The following NLRP14 variants were observed in gnomAD, a reference collection of about 807,000 sequenced individuals.
NLRP14 encodes NLR family pyrin domain containing 14.
In NLRP14, 105 loss-of-function variants were observed where a neutral mutation model predicts 94.7. The ratio of observed to expected loss-of-function variants is 1.11; its 90% CI spans 0.95 to 1.30. The LOEUF is 1.30. NLRP14 is among the 50% of genes most tolerant of loss of function. NLRP14 has a pLI of 0.00. For missense variants in NLRP14, 1,362 were observed against 1,254.1 expected (o/e 1.09, Z -1.30); for synonymous variants, 508 against 459.9 (o/e 1.10, Z -1.34).
the NLRP14 span, chr11:7,088,894 A>G: frequency 3.4e-6 from 2 of 580,340 alleles, no homozygotes; most frequent in Non-Finnish European, 6.2e-6. Context: ...AAGGAGACAC[A>G]AAACTGCCGA....
At chr11:7,088,990 G>C in the NLRP14 span, 9 of 1,091,466 alleles carry the variant, frequency 8.2e-6, no homozygotes, top group Admixed American at 1.3e-4. Context: ...CTCCGGCTGC[G>C]GTTCCGTGGA....
intron 4 of NLRP14, among the ~76,000 whole-genome samples, 166 bp downstream of exon 4, chr11:7,044,150 T>C (rs1852316080): frequency 6.6e-6 from 1 of 152,150 alleles, no homozygotes; most frequent in Non-Finnish European, 1.5e-5. Context: ...TATTGACCAA[T>C]CATGGCTACT....
intron 10 of NLRP14, among the ~76,000 whole-genome samples, chr11:7,069,956 A>T (rs1424918379): frequency 6.6e-6 from 1 of 151,996 alleles, no homozygotes; most frequent in Non-Finnish European, 1.5e-5. Context: ...ACTCACTACC[A>T]AGCTTCCAAT....
intron 6 of NLRP14, among the ~76,000 whole-genome samples, chr11:7,050,761 A>G (rs887739684): frequency 6.6e-6 from 1 of 152,248 alleles, no homozygotes; most frequent in South Asian, 2.1e-4. Flanking sequence ...AAGTTGTTGG[A>G]TAATTCTCAA....
At position 7,038,864 on chromosome 11, in the gene NLRP14, A is replaced by G. The variant is rs1361702531; in HGVS notation, c.278A>G (p.Glu93Gly). The change falls in exon 2 of 12, where the codon GAA (glutamate) becomes GGA (glycine). Residue 93 changes from glutamate to glycine, a missense_variant. Glu to Gly is a moderately conservative substitution (Grantham distance 98). Transcript: ENST00000299481. ...NLKDLCERAK[E>G]EINWSAQTIG... ...AAGGATCTGTGTGAGAGAGCGAAAG[A>G]AGAGATCAACTGTGAGTGATGCTAG... 2 of 1,613,472 alleles carry G rather than the reference A, an allele frequency of 1.2e-6. No individual in the cohort carries two copies. The highest frequency in any genetic ancestry group is 2.2e-5 in the South Asian group (2 of 90,890).
intron 8 of NLRP14, 128 bp from the exon 9 acceptor site, chr11:7,059,766 G>A: frequency 3.8e-6 from 3 of 783,884 alleles, no homozygotes; most frequent in Non-Finnish European, 6.6e-6. Context: ...CTGGCAGTGA[G>A]GGTGTTTCAT....
chr11:7,030,970 A>T (rs1196348973), intron 1 of NLRP14, among the ~76,000 whole-genome samples: 1 of 152,174 alleles, frequency 6.6e-6, no homozygotes, highest in Non-Finnish European at 1.5e-5. Flanking sequence ...GTGGGAGCAG[A>T]GCTCCCTTGG....
chr11:7,026,672 T>C (rs1490820991), intron 1 of NLRP14, among the ~76,000 whole-genome samples: 2 of 151,590 alleles, frequency 1.3e-5, no homozygotes, highest in Admixed American at 6.6e-5. Flanking sequence ...ACCCAAAGGA[T>C]TATAAATCAT....
chr11:7,046,616 A>G, intron 4 of NLRP14, 52 bp from the exon 5 acceptor site: 1 of 1,527,874 alleles, frequency 6.5e-7, no homozygotes, highest in South Asian at 1.1e-5. Flanking sequence ...AGAGTTGGCT[A>G]GGCTGAAATA....
At position 7,058,318 on chromosome 11, in the gene NLRP14, A is replaced by G. The variant is rs1316507035; in HGVS notation, c.2501A>G (p.Tyr834Cys). 1.2e-6 allele frequency: 2 copies of G among 1,612,692 alleles called. No homozygotes were observed. Among genetic ancestry groups the G allele is most frequent in the East Asian group, 2.2e-5 (1 of 44,838 alleles). ...GGTCTCACAGAGGCTGGCTGTGAGT[A>G]TCTTTCTTTGGCTCTCATCAGCAAT... ...SCGLTEAGCE[Y>C]LSLALISNKR... Residue 834 changes from tyrosine (Y) to cysteine (C), a missense_variant, in exon 8 of 12, where the codon TAT becomes TGT. Tyr to Cys is a radical substitution (Grantham distance 194). Transcript: ENST00000299481.
Position 7,043,012 on chromosome 11 carries a change from G to T in NLRP14, c.986G>T (p.Gly329Val), listed in dbSNP as rs760483005. 1.2e-6 allele frequency: 2 copies of T among 1,614,150 alleles called. No homozygotes were observed. The highest frequency in any genetic ancestry group is 2.7e-5 in the African/African-American group (2 of 75,034). ...AATCACCATTATGTAGAGCTACTAG[G>T]AATGTCTGAGGATGCAAGAGAGGAG... The part of the protein sequence containing the change: ...LKNHHYVELL[G>V]MSEDAREEYI... Residue 329 changes from glycine (G) to valine (V), a missense_variant, in exon 4 of 12, where the codon GGA becomes GTA. By Grantham distance (109) the Gly-to-Val change is moderately radical. Coordinates refer to ENST00000299481, the MANE Select transcript of NLRP14 (RefSeq NM_176822.4).
chr11:7,025,725 C>T (rs1051802056), intron 1 of NLRP14, among the ~76,000 whole-genome samples: 2 of 152,002 alleles, frequency 1.3e-5, no homozygotes, highest in Middle Eastern at 3.4e-3. Context: ...AATTTAAGAA[C>T]TAAAGAAAGA....
intron 3 of NLRP14, 130 bp from the exon 4 acceptor site, chr11:7,042,258 C>T (rs1170571021): frequency 2.9e-6 from 2 of 680,664 alleles, no homozygotes; most frequent in Non-Finnish European, 5.0e-6. Flanking sequence ...TCAAAACCAG[C>T]TCTGATTTCA....
At chr11:7,089,442 C>T in the NLRP14 span, 2 of 1,527,320 alleles carry the variant, frequency 1.3e-6, no homozygotes, top group East Asian at 2.5e-5. Flanking sequence ...CCCGAGGTTC[C>T]TGCGCGGAAC....
At chr11:7,057,352 G>A (rs1032042506) in intron 6 of NLRP14, among the ~76,000 whole-genome samples, 2 of 151,818 alleles carry the variant, frequency 1.3e-5, no homozygotes, top group Admixed American at 6.6e-5. Flanking sequence ...CATCCTTCAC[G>A]CCATATCTTC....
the NLRP14 span, among the ~76,000 whole-genome samples, chr11:7,078,167 G>A: frequency 3.3e-5 from 5 of 151,972 alleles, no homozygotes; most frequent in Non-Finnish European, 7.4e-5. Context: ...GGCTGGGTGC[G>A]GTGGCTCATG....
At chr11:7,059,792 G>T in intron 8 of NLRP14, 102 bp from the exon 9 acceptor site, 1 of 1,028,904 alleles carries the variant, frequency 9.7e-7, no homozygotes, top group Non-Finnish European at 1.5e-6. Flanking sequence ...ATGGAATGTT[G>T]GCAAATAGAT....
In NLRP14 at chr11:7,042,722, G is replaced by C. The variant is rs1433122428; in HGVS notation, c.696G>C (p.Leu232Phe). ...NQLKERSFAQ[L>F]ISKDWPSTEG... ...TGAAAGAGAGAAGCTTTGCTCAATT[G>C]ATATCAAAGGACTGGCCCAGCACAG... The change falls in exon 4 of 12, where the codon TTG becomes TTC. Residue 232 changes from leucine (L) to phenylalanine (F), a missense_variant. Physicochemically the swap from Leu to Phe is conservative, Grantham distance 22. Transcript: ENST00000299481. The C allele has an allele frequency of 6.2e-7, 1 of 1,614,192 alleles. No homozygotes were observed. The highest frequency in any genetic ancestry group is 1.7e-5 in the Admixed American group (1 of 60,032).
rs1255871238 is a variant in NLRP14, at chr11:7,071,320, T to C, written c.*12T>C. On this transcript the variant is annotated 3_prime_UTR_variant, in exon 12 of 12. Transcript: ENST00000299481. The stretch of plus-strand genomic sequence containing the variant: ...GGTGGTGTTTCTGATTTGAAGAAAC[T>C]GACATTCCTTTAAAAATATAAATAT... 2.5e-6 allele frequency: 4 copies of C among 1,604,526 alleles called. No homozygotes were observed. Among genetic ancestry groups the C allele is most frequent in the Non-Finnish European group, 3.4e-6 (4 of 1,171,912 alleles).
Sources: gnomAD v4.1 joint callset for allele counts (sites outside exome capture counted in the v4.1 genomes callset) on GRCh38, gnomAD v4.1.1 for gene constraint, MANE v1.5 for transcripts, NCBI Gene and HGNC (gene_info 2026-07-23, HGNC 2026-07-21) for gene names.